MCUB: variants seen among roughly 807,000 people sequenced by gnomAD.
MCUB encodes calcium uniporter regulatory subunit MCUb, mitochondrial.
In MCUB, 46 loss-of-function variants were observed where a neutral mutation model predicts 41.4. The observed-to-expected ratio is 1.11, with a 90% CI of 0.88 to 1.42. The LOEUF (loss-of-function observed/expected upper bound fraction) is 1.42, where lower values mean the gene tolerates loss of function less well. MCUB is among the 40% of genes most tolerant of loss of function. The probability of loss-of-function intolerance (pLI) is 0.00; values close to 1 mark genes in which losing one functional copy is unlikely to be tolerated. For synonymous variants in MCUB, 148 were observed against 148.2 expected (o/e 1.00, Z 0.01); for missense variants, 403 against 404.9 (o/e 1.00, Z 0.04).
chr4:109,583,022 C>G (rs1727220037), intron 1 of MCUB, among the ~76,000 whole-genome samples: 1 of 152,066 alleles, frequency 6.6e-6, no homozygotes, highest in African/African-American at 2.4e-5. Flanking sequence ...TTTCTTTTTG[C>G]TTAGGATTGT....
chr4:109,623,613 CTG>C (rs1728301340), intron 1 of MCUB, among the ~76,000 whole-genome samples: 1 of 152,160 alleles, frequency 6.6e-6, no homozygotes, highest in Non-Finnish European at 1.5e-5. Context: ...GGCATTCAGA[CTG>C]TGTATTGCTG....
intron 1 of MCUB, among the ~76,000 whole-genome samples, chr4:109,608,485 G>GGTTTTGTTTT (rs74396309): frequency 7.3e-5 from 11 of 151,036 alleles, no homozygotes; most frequent in Middle Eastern, 3.4e-3. Flanking sequence ...TGAAAAGTTA[G>GGTTTTGTTTT]GTTTTGTTTT....
chr4:109,585,877 A>T (rs2126127605), intron 1 of MCUB, among the ~76,000 whole-genome samples: 1 of 151,898 alleles, frequency 6.6e-6, no homozygotes, highest in East Asian at 1.9e-4. Flanking sequence ...TGCCCTTAAC[A>T]TTTTTTCTTT....
At chr4:109,575,225 C>T (rs368937464) in intron 1 of MCUB, among the ~76,000 whole-genome samples, 94 of 152,308 alleles carry the variant, frequency 6.2e-4, no homozygotes, top group African/African-American at 2.2e-3. Flanking sequence ...GCTGTTCATC[C>T]CTTGTTCTGC....
Position 109,664,394 on chromosome 4 carries a change from G to T in MCUB, c.451G>T (p.Glu151Ter). The T allele has an allele frequency of 1.6e-6, 2 of 1,221,868 alleles. No individual in the cohort carries two copies. Among genetic ancestry groups the T allele is most frequent in the Non-Finnish European group, 1.2e-6 (1 of 833,648 alleles). The allele number at this position is 1,221,868 out of a possible 1,614,324, so 75.7% of individuals were successfully genotyped here. ...ATATGATGTGCAGTGTCCAAAGAGA[G>T]GTAAGAAACACAGCTATCCAACTAT... ...IAYDVQCPKREKPSNEHTAEM... is the reference protein window; with the variant it reads ...IAYDVQCPKR Residue 151 changes from glutamate to a stop codon, truncating the protein, a stop_gained and splice_region_variant, in exon 4 of 8, where the codon GAA becomes TAA. Coordinates refer to ENST00000394650, the MANE Select transcript of MCUB (RefSeq NM_017918.5). LOFTEE classifies it high-confidence loss of function.
intron 1 of MCUB, among the ~76,000 whole-genome samples, chr4:109,591,306 C>T (rs773739858): frequency 2.6e-5 from 4 of 152,102 alleles, no homozygotes; most frequent in Admixed American, 2.6e-4. Context: ...ATGACTCAGC[C>T]TCCCGAGTAG....
chr4:109,671,219 T>C (rs1729450390), intron 4 of MCUB, among the ~76,000 whole-genome samples: 1 of 152,216 alleles, frequency 6.6e-6, no homozygotes, highest in African/African-American at 2.4e-5. Flanking sequence ...AACTTTTTCT[T>C]AAAGAGAGCT....
At chr4:109,594,956 C>G (rs1264962592) in intron 1 of MCUB, among the ~76,000 whole-genome samples, 1 of 151,956 alleles carries the variant, frequency 6.6e-6, no homozygotes, top group African/African-American at 2.4e-5. Flanking sequence ...GGGTCCTGCA[C>G]ACCAGTTCCA....
At chr4:109,617,210 G>A (rs941516203) in intron 1 of MCUB, among the ~76,000 whole-genome samples, 1 of 152,238 alleles carries the variant, frequency 6.6e-6, no homozygotes, top group African/African-American at 2.4e-5. Context: ...GCTGTTATAG[G>A]ATCATTCTAA....
At chr4:109,653,043 G>A (rs1728995087) in intron 1 of MCUB, among the ~76,000 whole-genome samples, 1 of 152,086 alleles carries the variant, frequency 6.6e-6, no homozygotes, top group Non-Finnish European at 1.5e-5. Flanking sequence ...AGCTAGGGGT[G>A]GGATTACTGG....
chr4:109,604,492 G>A (rs922317287), intron 1 of MCUB, among the ~76,000 whole-genome samples: 1 of 152,096 alleles, frequency 6.6e-6, no homozygotes, highest in Non-Finnish European at 1.5e-5. Context: ...TTCCTTTCCA[G>A]TTTGGATGCC....
At position 109,674,674 on chromosome 4, in the gene MCUB, T is replaced by G. The variant is rs60211464; in HGVS notation, c.452-7908T>G. 5.1e-3 allele frequency among the ~76,000 whole-genome samples: 775 copies of G among 152,348 alleles called. 3 individuals carry two copies. Among genetic ancestry groups the G allele is most frequent in the African/African-American group, 0.018 (735 of 41,578 alleles). ...GCTTAAACAATAGAGCTGCATAATA[T>G]TAGTATTTATTAAAGAATCACAATT... is the stretch of plus-strand genomic sequence containing the variant. On this transcript the variant is annotated intron_variant, in intron 4 of 7. Transcript: ENST00000394650.
At chr4:109,643,247 G>T (rs1031322576) in intron 1 of MCUB, among the ~76,000 whole-genome samples, 1 of 148,662 alleles carries the variant, frequency 6.7e-6, no homozygotes. Context: ...GTACAATGGC[G>T]CAATCTTGGC....
At chr4:109,598,467 G>A (rs931607424) in intron 1 of MCUB, among the ~76,000 whole-genome samples, 1 of 151,878 alleles carries the variant, frequency 6.6e-6, no homozygotes, top group Non-Finnish European at 1.5e-5. Context: ...GTGGCAGCGC[G>A]TGCCTGCAAT....
intron 1 of MCUB, among the ~76,000 whole-genome samples, chr4:109,657,024 C>T (rs1344229743): frequency 6.6e-6 from 1 of 152,040 alleles, no homozygotes; most frequent in Admixed American, 6.6e-5. Context: ...TTGAGACCAG[C>T]CTGGCCAACT....
chr4:109,591,305 C>T (rs1727432109), intron 1 of MCUB, among the ~76,000 whole-genome samples: 1 of 152,084 alleles, frequency 6.6e-6, no homozygotes, highest in Non-Finnish European at 1.5e-5. Context: ...CATGACTCAG[C>T]CTCCCGAGTA....
chr4:109,615,405 ATTT>A (rs1352281924), intron 1 of MCUB, among the ~76,000 whole-genome samples: 3 of 141,692 alleles, frequency 2.1e-5, no homozygotes, highest in Non-Finnish European at 1.5e-5. Context: ...ATAGATGTGA[ATTT>A]TTTTTTTTTT....
chr4:109,662,963 T>A (rs1729259589), intron 3 of MCUB, among the ~76,000 whole-genome samples: 1 of 152,200 alleles, frequency 6.6e-6, no homozygotes, highest in Admixed American at 6.5e-5. Context: ...ATGATCTCAC[T>A]GCAACTGATG....
chr4:109,641,232 A>G (rs992363266), intron 1 of MCUB, among the ~76,000 whole-genome samples: 1 of 148,454 alleles, frequency 6.7e-6, no homozygotes, highest in Non-Finnish European at 1.5e-5. Flanking sequence ...AGCTGGGACT[A>G]TGGGCGCCCG....
Sources: gnomAD v4.1 joint callset for allele counts (sites outside exome capture counted in the v4.1 genomes callset) on GRCh38, gnomAD v4.1.1 for gene constraint, MANE v1.5 for transcripts, NCBI Gene and HGNC (gene_info 2026-07-23, HGNC 2026-07-21) for gene names.